DTL: variants seen among roughly 807,000 people sequenced by gnomAD.
DTL encodes denticleless E3 ubiquitin protein ligase adapter, also known as denticleless protein homolog.
DTL carries 46 observed loss-of-function variants against 87.0 expected under a neutral mutation model. The observed-to-expected ratio is 0.53, with a 90% CI of 0.42 to 0.68. The LOEUF is 0.68. Ranked by LOEUF, DTL falls within the 30% of genes least tolerant of loss-of-function variation. DTL has a pLI of 0.00. For synonymous variants in DTL, 308 were observed against 311.2 expected (o/e 0.99, Z 0.11); for missense variants, 737 against 869.4 (o/e 0.85, Z 1.91).
At chr1:212,071,225 C>T (rs1654660344) in intron 10 of DTL, among the ~76,000 whole-genome samples, 1 of 152,160 alleles carries the variant, frequency 6.6e-6, no homozygotes, top group East Asian at 1.9e-4. Context: ...GCTGTTAAGT[C>T]CCCTACTAAT....
At chr1:212,065,067 A>G (rs1395834904) in intron 7 of DTL, 38 bp downstream of exon 7, 3 of 1,412,646 alleles carry the variant, frequency 2.1e-6, no homozygotes, top group Non-Finnish European at 3.0e-6. Flanking sequence ...TGCAGATCTT[A>G]TCTGTAGGAT....
chr1:212,040,699 T>C (rs927628767), intron 1 of DTL, among the ~76,000 whole-genome samples: 4 of 152,272 alleles, frequency 2.6e-5, no homozygotes, highest in South Asian at 2.1e-4. Context: ...CTATGTGATA[T>C]AACATTAGGC....
At chr1:212,068,461 T>A (rs1654575872) in intron 9 of DTL, 134 bp downstream of exon 9, 2 of 837,626 alleles carry the variant, frequency 2.4e-6, no homozygotes, top group African/African-American at 3.5e-5. Flanking sequence ...CAGAAGAATG[T>A]TTTTGGTTTG....
rs773081177 is a variant in DTL, at chr1:212,068,579, C to T, written c.818-20C>T. On this transcript the variant is annotated intron_variant, in intron 9 of 14. Transcript: ENST00000366991. ...ACTCACCATCATCAGGACGTGCTAA[C>T]TTAAGTTTCCTTTTTCCAGGATATT... The T allele has an allele frequency of 6.5e-7, 1 of 1,534,824 alleles. No homozygotes were observed. Among genetic ancestry groups the T allele is most frequent in the Non-Finnish European group, 9.0e-7 (1 of 1,109,012 alleles).
rs541606725 is a variant in DTL at position 212,065,464 on chromosome 1, A to G, written c.639+435A>G. Among the ~76,000 whole-genome samples the G allele has an allele frequency of 9.3e-4, 142 of 152,246 alleles. 3 individuals carry two copies. The highest frequency in any genetic ancestry group is 3.2e-3 in the African/African-American group (134 of 41,542). On this transcript the variant is annotated intron_variant, in intron 7 of 14. Coordinates refer to ENST00000366991, the MANE Select transcript of DTL (RefSeq NM_016448.4). Reference sequence around the variant, plus strand: ...AATCAGGGTAATTGAGATAGCCATCACTTCAAATACTGTGTGCATCAGAGT... The same window carrying G: ...AATCAGGGTAATTGAGATAGCCATCGCTTCAAATACTGTGTGCATCAGAGT...
Position 212,100,257 on chromosome 1 carries a change from G to A in DTL, c.1267G>A (p.Val423Ile), listed in dbSNP as rs1655575241. Residue 423 changes from valine to isoleucine, a missense_variant, in exon 14 of 15, where the codon GTA becomes ATA. By Grantham distance (29) the Val-to-Ile change is conservative. Transcript: ENST00000366991. The part of the protein sequence containing the change: ...KKESRPGLVT[V>I]TSSQSTPAKA... ...GATCCTCTCCTCTTTTTCAGTAACA[G>A]TAACGAGTAGCCAGAGTACTCCTGC... is the stretch of plus-strand genomic sequence containing the variant. The A allele has an allele frequency of 6.5e-7, 1 of 1,542,360 alleles. No individual in the cohort carries two copies. Among genetic ancestry groups the A allele is most frequent in the Non-Finnish European group, 8.7e-7 (1 of 1,147,572 alleles).
chr1:212,049,567 CT>C (rs1306417340), intron 5 of DTL, among the ~76,000 whole-genome samples: 1 of 152,078 alleles, frequency 6.6e-6, no homozygotes, highest in African/African-American at 2.4e-5. Flanking sequence ...GGGCAGGTGG[CT>C]TTTTTCATGA....
At chr1:212,048,450 T>G (rs1667869390) in intron 5 of DTL, among the ~76,000 whole-genome samples, 1 of 152,124 alleles carries the variant, frequency 6.6e-6, no homozygotes, top group Admixed American at 6.5e-5. Flanking sequence ...CTCGGCCTCC[T>G]AAAGTGCTGG....
At chr1:212,089,064 C>T (rs780091874) in intron 13 of DTL, among the ~76,000 whole-genome samples, 22 of 152,160 alleles carry the variant, frequency 1.4e-4, no homozygotes, top group South Asian at 2.1e-4. Flanking sequence ...CCAGCCTGGG[C>T]GACAAGACAA....
chr1:212,074,874 C>G (rs1481930939), intron 11 of DTL, among the ~76,000 whole-genome samples: 1 of 152,104 alleles, frequency 6.6e-6, no homozygotes, highest in Non-Finnish European at 1.5e-5. Flanking sequence ...CACTACTGCC[C>G]AGCAAAGAGG....
intron 13 of DTL, among the ~76,000 whole-genome samples, chr1:212,090,412 T>G (rs1655249834): frequency 6.6e-6 from 1 of 152,240 alleles, no homozygotes; most frequent in Non-Finnish European, 1.5e-5. Context: ...CAGCTGGATA[T>G]AAATGCAATT....
At chr1:212,063,723 A>G (rs1289062918) in intron 6 of DTL, among the ~76,000 whole-genome samples, 2 of 152,152 alleles carry the variant, frequency 1.3e-5, no homozygotes, top group African/African-American at 4.8e-5. Flanking sequence ...TGCATTTTAA[A>G]AAATTGGTAA....
In DTL at chr1:212,062,898, G is replaced by A; in HGVS notation, c.475G>A (p.Gly159Ser). 1 of 1,613,444 alleles carries A rather than the reference G, an allele frequency of 6.2e-7. No homozygotes were observed. The highest frequency in any genetic ancestry group is 8.5e-7 in the Non-Finnish European group (1 of 1,179,480). ...SKFEKAVFCT[G>S]GRDGNIMVWD... ...TTTCCCCACAGCTGTATTCTGTACGGGTGGAAGAGATGGCAACATTATGGT... is the reference window on the plus strand; with the variant it reads ...TTTCCCCACAGCTGTATTCTGTACGAGTGGAAGAGATGGCAACATTATGGT... Residue 159 changes from glycine to serine, a missense_variant, in exon 6 of 15, where the codon GGT (glycine) becomes AGT (serine). Gly to Ser is a moderately conservative substitution (Grantham distance 56, BLOSUM62 0). Coordinates refer to ENST00000366991, the MANE Select transcript of DTL (RefSeq NM_016448.4).
intron 1 of DTL, among the ~76,000 whole-genome samples, chr1:212,036,660 G>T (rs1457009136): frequency 6.6e-6 from 1 of 152,166 alleles, no homozygotes; most frequent in Non-Finnish European, 1.5e-5. Flanking sequence ...ATGTTAATAC[G>T]TAGAAATCTA....
chr1:212,080,715 C>T lies in DTL; in HGVS notation c.1226C>T (p.Ala409Val). 1 of 1,613,478 alleles carries T rather than the reference C, an allele frequency of 6.2e-7. No individual in the cohort carries two copies. Among genetic ancestry groups the T allele is most frequent in the East Asian group, 2.2e-5 (1 of 44,856 alleles). Residue 409 changes from alanine (A) to valine (V), a missense_variant, in exon 13 of 15, where the codon GCC becomes GTC. Transcript: ENST00000366991. ...GGDKLSTVGW[A>V]SQKKKESRPG... Reference sequence around the variant, plus strand: ...GATAAACTTTCCACGGTGGGTTGGGCCTCTCAGAAGAAAAAAGAGTCAAGA... The same window carrying T: ...GATAAACTTTCCACGGTGGGTTGGGTCTCTCAGAAGAAAAAAGAGTCAAGA...
At chr1:212,095,324 C>T (rs10863940) in intron 13 of DTL, among the ~76,000 whole-genome samples, 147,830 of 152,314 alleles carry the variant, frequency 0.97, 71,749 homozygotes, top group East Asian at 1. Flanking sequence ...TTTTGTCAGA[C>T]GTTTTTTCTG....
chr1:212,093,375 C>T (rs896835040), intron 13 of DTL, among the ~76,000 whole-genome samples: 5 of 152,316 alleles, frequency 3.3e-5, no homozygotes, highest in African/African-American at 4.8e-5. Context: ...CCTGCCTTAT[C>T]GCAAGGACAG....
chr1:212,059,596 C>G (rs955904487), intron 5 of DTL, among the ~76,000 whole-genome samples: 1 of 152,006 alleles, frequency 6.6e-6, no homozygotes, highest in Non-Finnish European at 1.5e-5. Flanking sequence ...AAGCCTTTCC[C>G]TTGAGAACTG....
At chr1:212,076,376 T>C (rs140172418) in intron 11 of DTL, among the ~76,000 whole-genome samples, 35 of 152,306 alleles carry the variant, frequency 2.3e-4, no homozygotes, top group African/African-American at 8.2e-4. Context: ...CAAAATGTTT[T>C]TCTAATGGGT....
Sources: gnomAD v4.1 joint callset for allele counts (sites outside exome capture counted in the v4.1 genomes callset) on GRCh38, gnomAD v4.1.1 for gene constraint, MANE v1.5 for transcripts, NCBI Gene and HGNC (gene_info 2026-07-23, HGNC 2026-07-21) for gene names.